Variants in PCDHA13 observed in about 807,000 individuals in gnomAD.
PCDHA13 encodes the protein protocadherin alpha-13.
In PCDHA13, 54 loss-of-function variants were observed where a neutral mutation model predicts 64.8. The observed-to-expected ratio is 0.83, with a 90% CI of 0.67 to 1.04. The LOEUF is 1.04. Among genes scored for constraint, PCDHA13 ranks in the 50% least tolerant of loss-of-function variants. The pLI is 0.00. For missense variants in PCDHA13, 1,248 were observed against 1,254.3 expected, an observed-to-expected ratio of 0.99 and a Z score of 0.08; for synonymous variants, 587 against 564.4, an observed-to-expected ratio of 1.04 and a Z score of -0.57.
intron 1 of PCDHA13, among the ~76,000 whole-genome samples, chr5:140,953,932 C>G (rs1005245846): frequency 1.2e-4 from 19 of 152,060 alleles, no homozygotes; most frequent in Non-Finnish European, 5.9e-5. Flanking sequence ...CTGATGCTCT[C>G]CCTCCCATTG....
intron 1 of PCDHA13, among the ~76,000 whole-genome samples, chr5:140,899,002 G>T (rs1265936919): frequency 7.2e-4 from 110 of 151,880 alleles, no homozygotes; most frequent in African/African-American, 2.6e-3. Context: ...GTCTGTTATT[G>T]GTGTATAAGA....
Position 141,012,131 on chromosome 5 carries a change from G to A in PCDHA13, c.*2194G>A, listed in dbSNP as rs1214098938. The A allele has an allele frequency of 1.3e-5, 2 of 153,688 alleles. No individual in the cohort carries two copies. The highest frequency in any genetic ancestry group is 2.9e-5 in the Non-Finnish European group (2 of 68,026). 9.5% of individuals were successfully genotyped at this position (153,688 alleles called of 1,614,324 possible). A position where few individuals can be genotyped will look rare whatever the true frequency, so the allele number is the denominator to read the frequency against. ...CTGAAGCCCATGTATCTGACCTTAC[G>A]TGCCTTTTGAACTAGGAGAATCGGG... On this transcript the variant is annotated 3_prime_UTR_variant, in exon 4 of 4. Transcript: ENST00000289272.
Position 140,883,336 on chromosome 5 carries a change from A to G in PCDHA13, c.1068A>G (p.Ser356=). Residue 356 remains serine (S), a synonymous_variant, in exon 1 of 4, where the codon TCA becomes TCG. Transcript: ENST00000289272. ...NAPEVTITSL[S]LPIREDTQPS... is the part of the protein sequence containing the mutation. Reference sequence around the variant, plus strand: ...CAGAGGTTACCATCACTTCTTTGTCACTCCCCATCAGAGAAGACACTCAGC... The same window carrying G: ...CAGAGGTTACCATCACTTCTTTGTCGCTCCCCATCAGAGAAGACACTCAGC... The G allele has an allele frequency of 6.2e-7, 1 of 1,613,866 alleles. No individual in the cohort carries two copies. The highest frequency in any genetic ancestry group is 8.5e-7 in the Non-Finnish European group (1 of 1,179,962).
chr5:140,968,363 G>A, intron 1 of PCDHA13: 1 of 1,614,090 alleles, frequency 6.2e-7, no homozygotes, highest in Non-Finnish European at 8.5e-7. Flanking sequence ...CAGCCTTTAT[G>A]CTGTCAACTC....
intron 1 of PCDHA13, among the ~76,000 whole-genome samples, chr5:140,902,795 A>G (rs555172255): frequency 6.8e-4 from 103 of 151,862 alleles, no homozygotes; most frequent in African/African-American, 2.3e-3. Context: ...TCTCACTTGT[A>G]TGTGAGAATA....
intron 1 of PCDHA13, among the ~76,000 whole-genome samples, chr5:140,938,520 A>G (rs1240941217): frequency 6.6e-6 from 1 of 150,896 alleles, no homozygotes; most frequent in African/African-American, 2.4e-5. Context: ...ATTTTCTGTT[A>G]TTGAATGGAT....
intron 1 of PCDHA13, among the ~76,000 whole-genome samples, chr5:140,902,554 A>AT (rs1414683182): frequency 6.6e-6 from 1 of 151,896 alleles, no homozygotes; most frequent in East Asian, 1.9e-4. Context: ...CTATACCCAG[A>AT]TTTTTGAGGG....
At chr5:140,968,029 GGT>G in intron 1 of PCDHA13, 1 of 1,614,170 alleles carries the variant, frequency 6.2e-7, no homozygotes, top group African/African-American at 1.3e-5. Context: ...CCTATACACT[GGT>G]GGTGAGCGGC....
chr5:140,934,741 T>TATG (rs2090025323), intron 1 of PCDHA13, among the ~76,000 whole-genome samples: 1 of 152,144 alleles, frequency 6.6e-6, no homozygotes, highest in Non-Finnish European at 1.5e-5. Flanking sequence ...TAGGTGTCAT[T>TATG]ATGAACTCAT....
chr5:140,910,324 T>C (rs2074979860), intron 1 of PCDHA13, among the ~76,000 whole-genome samples: 3 of 152,220 alleles, frequency 2.0e-5, no homozygotes, highest in Non-Finnish European at 4.4e-5. Flanking sequence ...AGTCAGACTA[T>C]TGTGATTGCT....
chr5:140,933,902 A>C (rs1285587221), intron 1 of PCDHA13, among the ~76,000 whole-genome samples: 2 of 151,892 alleles, frequency 1.3e-5, no homozygotes, highest in African/African-American at 2.4e-5. Flanking sequence ...ATATTTTGGC[A>C]TAAAGTTGTT....
chr5:141,009,707 A>C lies in PCDHA13; in HGVS notation c.2623A>C (p.Asn875His). 6.2e-7 allele frequency: 1 copy of C among 1,614,144 alleles called. No individual in the cohort carries two copies. Among genetic ancestry groups the C allele is most frequent in the African/African-American group, 1.3e-5 (1 of 75,024 alleles). The change falls in exon 4 of 4, where the codon AAC becomes CAC. Residue 875 changes from asparagine (N) to histidine (H), a missense_variant. By Grantham distance (68) the Asn-to-His change is moderately conservative. Transcript: ENST00000289272. ...CTGGACCTTTAAATACGGACCAGGC[A>C]ACCCCAAACAATCCGGTCCCGGTGA... is the stretch of plus-strand genomic sequence containing the variant. ...NSWTFKYGPG[N>H]PKQSGPGELP...
chr5:141,001,792 T>C (rs1442216091), intron 3 of PCDHA13, among the ~76,000 whole-genome samples: 3 of 152,192 alleles, frequency 2.0e-5, no homozygotes, highest in African/African-American at 7.2e-5. Context: ...AGCCTGAGTA[T>C]ATACTATCAT....
chr5:140,941,421 A>T (rs1399072425), intron 1 of PCDHA13, among the ~76,000 whole-genome samples: 1 of 149,518 alleles, frequency 6.7e-6, no homozygotes, highest in Non-Finnish European at 1.5e-5. Flanking sequence ...GGTTCAAGCA[A>T]TTCTCTGCCT....
intron 3 of PCDHA13, among the ~76,000 whole-genome samples, chr5:140,993,462 T>TCA (rs3836747): frequency 0.1 from 14,588 of 140,880 alleles, 728 homozygotes; most frequent in Middle Eastern, 0.17. Context: ...TCTTTCTTTC[T>TCA]CACACACACA....
At chr5:140,927,511 G>A (rs1563093224) in intron 1 of PCDHA13, 1 of 1,614,120 alleles carries the variant, frequency 6.2e-7, no homozygotes, top group Non-Finnish European at 8.5e-7. Context: ...TACAGCTCGG[G>A]ACGGCGGGCT....
At chr5:140,947,451 A>G (rs2094135983) in intron 1 of PCDHA13, among the ~76,000 whole-genome samples, 1 of 151,658 alleles carries the variant, frequency 6.6e-6, no homozygotes, top group Non-Finnish European at 1.5e-5. Context: ...GAAATCCTCC[A>G]ACCTTGTTCT....
At chr5:140,936,184 C>T (rs572832347) in intron 1 of PCDHA13, among the ~76,000 whole-genome samples, 4 of 152,308 alleles carry the variant, frequency 2.6e-5, no homozygotes, top group African/African-American at 4.8e-5. Context: ...TAAACCACCA[C>T]GCCCAGCCAA....
chr5:140,985,236 C>G (rs1338808702), intron 3 of PCDHA13, among the ~76,000 whole-genome samples: 1 of 152,184 alleles, frequency 6.6e-6, no homozygotes, highest in Admixed American at 6.5e-5. Context: ...CGCGCCTGGC[C>G]TAATCTTCTT....
Sources: gnomAD v4.1 joint callset for allele counts (sites outside exome capture counted in the v4.1 genomes callset) on GRCh38, gnomAD v4.1.1 for gene constraint, MANE v1.5 for transcripts, NCBI Gene and HGNC (gene_info 2026-07-23, HGNC 2026-07-21) for gene names.